USP45: variants seen among roughly 807,000 people sequenced by gnomAD.
The protein encoded by USP45 is ubiquitin specific peptidase 45.
In USP45, 89 loss-of-function variants were observed where a neutral mutation model predicts 95.8. That is an observed-to-expected ratio of 0.93 (90% CI 0.78 to 1.11). The LOEUF is 1.11. Ranked by LOEUF, USP45 falls within the 50% of genes least tolerant of loss-of-function variation. The pLI is 0.00. For missense variants in USP45, 898 were observed against 942.5 expected, an observed-to-expected ratio of 0.95 and a Z score of 0.62; for synonymous variants, 281 against 316.2, an observed-to-expected ratio of 0.89 and a Z score of 1.18.
intron 5 of USP45, among the ~76,000 whole-genome samples, chr6:99,492,157 C>A (rs1795314672): frequency 6.6e-6 from 1 of 152,230 alleles, no homozygotes; most frequent in African/African-American, 2.4e-5. Context: ...CTGGACAAAA[C>A]TGCAGGCAAA....
chr6:99,507,121 T>C (rs1210901573), intron 4 of USP45, among the ~76,000 whole-genome samples: 1 of 152,082 alleles, frequency 6.6e-6, no homozygotes, highest in East Asian at 1.9e-4. Context: ...GCAGGAGAAT[T>C]GCTTCAACCC....
At chr6:99,467,494 T>C (rs1295620202) in intron 10 of USP45, among the ~76,000 whole-genome samples, 3 of 151,962 alleles carry the variant, frequency 2.0e-5, no homozygotes, top group African/African-American at 7.2e-5. Context: ...ATCTTCAAGT[T>C]TCATACAAAC....
At chr6:99,486,625 TTATATATA>T (rs71701972) in intron 7 of USP45, among the ~76,000 whole-genome samples, 1 of 149,324 alleles carries the variant, frequency 6.7e-6, no homozygotes, top group Non-Finnish European at 1.5e-5. Context: ...AAGGAGGTTA[TTATATATA>T]TATAACAGTA....
chr6:99,476,005 C>T (rs1042882313), intron 9 of USP45, 138 bp downstream of exon 9: 40 of 635,302 alleles, frequency 6.3e-5, no homozygotes, highest in Middle Eastern at 2.9e-4. Context: ...TTATTAGAGA[C>T]GAGGTTTCAC....
chr6:99,462,140 T>G (rs1786596703), intron 13 of USP45: 5 of 983,048 alleles, frequency 5.1e-6, no homozygotes, highest in Non-Finnish European at 6.0e-6. Context: ...GTAACTCTAT[T>G]ACATGAAAAA....
intron 4 of USP45, among the ~76,000 whole-genome samples, chr6:99,505,637 T>C (rs1486339586): frequency 1.7e-5 from 1 of 59,252 alleles, no homozygotes; most frequent in Non-Finnish European, 2.9e-5. Flanking sequence ...TGAGATTCCA[T>C]CTCAAAAAAA....
chr6:99,495,792 G>A (rs1796160178), intron 5 of USP45, among the ~76,000 whole-genome samples: 1 of 152,252 alleles, frequency 6.6e-6, no homozygotes, highest in East Asian at 1.9e-4. Flanking sequence ...TTTAGTCATA[G>A]TTTGTAGCAG....
chr6:99,488,991 C>T (rs1340372885), intron 5 of USP45, among the ~76,000 whole-genome samples, 171 bp from the exon 6 acceptor site: 1 of 152,018 alleles, frequency 6.6e-6, no homozygotes, highest in African/African-American at 2.4e-5. Context: ...TATTTTATTG[C>T]TAGAGGAATT....
At chr6:99,503,166 G>A (rs547451438) in intron 5 of USP45, among the ~76,000 whole-genome samples, 1 of 152,096 alleles carries the variant, frequency 6.6e-6, no homozygotes, top group African/African-American at 2.4e-5. Flanking sequence ...AGTAAACTAA[G>A]CAATAAAAGT....
At chr6:99,501,916 C>T (rs1797449118) in intron 5 of USP45, 1 of 1,289,534 alleles carries the variant, frequency 7.8e-7, no homozygotes, top group Non-Finnish European at 1.0e-6. Context: ...ATGGGTCCCT[C>T]AGGCCACATT....
intron 5 of USP45, among the ~76,000 whole-genome samples, chr6:99,498,492 C>T (rs146012104): frequency 6.9e-4 from 105 of 152,250 alleles, no homozygotes; most frequent in African/African-American, 2.3e-3. Context: ...GTGTGCTGCA[C>T]AGACACTGAG....
intron 1 of USP45, among the ~76,000 whole-genome samples, chr6:99,511,533 C>T (rs983565946): frequency 4.6e-5 from 7 of 151,566 alleles, no homozygotes; most frequent in Non-Finnish European, 1.0e-4. Context: ...ACTGCAGCCT[C>T]AACCTCCCCA....
chr6:99,481,230 C>T (rs1792327997), intron 8 of USP45, among the ~76,000 whole-genome samples: 1 of 152,132 alleles, frequency 6.6e-6, no homozygotes, highest in African/African-American at 2.4e-5. Context: ...CATGTGCTAA[C>T]ATGGAAAGAT....
Position 99,439,852 on chromosome 6 carries a change from C to T in USP45, c.2077G>A (p.Gly693Ser), listed in dbSNP as rs1241739915. ...ILHLKRFHQA[G>S]LSLRKVNRHV... ...CTGTTTACTTTACGAAGACTCAAGC[C>T]AGCCTTAAAAAGACCAAAACATTTT... Residue 693 changes from glycine to serine, a missense_variant, in exon 16 of 18, where the codon GGC (glycine) becomes AGC (serine). Coordinates refer to ENST00000500704, the MANE Select transcript of USP45 (RefSeq NM_001346022.3). The T allele has an allele frequency of 6.2e-7, 1 of 1,602,912 alleles. No individual in the cohort carries two copies. The highest frequency in any genetic ancestry group is 1.3e-5 in the African/African-American group (1 of 74,570).
rs915400560 is a variant in USP45, at chr6:99,486,622, TTATTA to T, written c.714+1573_714+1577del. ...TGTAAATATATATATAAAAAGGAGG[TTATTA>T]TATATATATAACAGTATGTTATATA... On this transcript the variant is annotated intron_variant, in intron 7 of 17. Transcript: ENST00000500704. 1.2e-4 allele frequency among the ~76,000 whole-genome samples: 5 copies of T among 40,830 alleles called. No homozygotes were observed. The African/African-American group carries it at 1.4e-3, about 11-fold the overall frequency. The allele number at this position is 40,830 out of a possible 152,430, so 26.8% of individuals were successfully genotyped here.
chr6:99,439,924 C>A, intron 15 of USP45, 69 bp from the exon 16 acceptor site: 7 of 1,256,342 alleles, frequency 5.6e-6, no homozygotes, highest in South Asian at 4.5e-5. Context: ...TTAACTAAAA[C>A]CAAAAGAGAA....
Position 99,439,867 on chromosome 6 carries a change from CA to C in USP45, c.2074-13del, listed in dbSNP as rs1185645625. 4 of 1,582,082 alleles carry C rather than the reference CA, an allele frequency of 2.5e-6. No individual in the cohort carries two copies. In the African/African-American group the frequency reaches 5.4e-5, roughly 22 times the overall value. ...AGACTCAAGCCAGCCTTAAAAAGAC[CA>C]AAACATTTTTGAAATGCAACAATTA... is the stretch of plus-strand genomic sequence containing the variant. On this transcript the variant is annotated splice_polypyrimidine_tract_variant and intron_variant, in intron 15 of 17. Coordinates refer to ENST00000500704, the MANE Select transcript of USP45 (RefSeq NM_001346022.3).
intron 14 of USP45, among the ~76,000 whole-genome samples, chr6:99,444,882 G>A (rs1203352171): frequency 6.6e-6 from 1 of 152,122 alleles, no homozygotes; most frequent in Non-Finnish European, 1.5e-5. Context: ...TTTCTTCAGT[G>A]GCAATTATCT....
In USP45 at chr6:99,488,212, T is replaced by C. The variant is rs1177531483; in HGVS notation, c.702A>G (p.Ser234=). Residue 234 remains serine, a synonymous_variant, in exon 7 of 18, where the codon TCA becomes TCG. Coordinates refer to ENST00000500704, the MANE Select transcript of USP45 (RefSeq NM_001346022.3). ...AGTTATTACTCACCAGCTGAGAGTC[T>C]GAGGAAGGAAAAATCTTGAGTTTTG... The part of the protein sequence containing the change: ...SSTKLKIFPS[S]DSQLDPLVVE... The C allele has an allele frequency of 1.2e-6, 2 of 1,608,900 alleles. No individual in the cohort carries two copies. The highest frequency in any genetic ancestry group is 1.7e-5 in the Admixed American group (1 of 59,936).
Sources: allele counts gnomAD v4.1 joint callset (sites outside exome capture counted in the v4.1 genomes callset), GRCh38; gene constraint gnomAD v4.1.1; transcripts MANE v1.5; gene names NCBI Gene and HGNC (gene_info 2026-07-23, HGNC 2026-07-21).